SLC25A16: variants seen among roughly 807,000 people sequenced by gnomAD.
SLC25A16 encodes the protein mitochondrial coenzyme A transporter SLC25A16.
SLC25A16 carries 39 observed loss-of-function variants against 41.5 expected under a neutral mutation model. That is an observed-to-expected ratio of 0.94 (90% CI 0.73 to 1.23). The LOEUF (loss-of-function observed/expected upper bound fraction) is 1.23. Ranked by LOEUF, SLC25A16 falls within the 50% of genes most tolerant of loss-of-function variation. The probability of loss-of-function intolerance (pLI) is 0.00; values close to 1 mark genes in which losing one functional copy is unlikely to be tolerated. For synonymous variants in SLC25A16, 146 were observed against 147.8 expected (o/e 0.99, Z 0.09); for missense variants, 421 against 426.9 (o/e 0.99, Z 0.12).
chr10:68,522,548 G>A (rs1286340008), intron 1 of SLC25A16, among the ~76,000 whole-genome samples: 1 of 152,150 alleles, frequency 6.6e-6, no homozygotes, highest in African/African-American at 2.4e-5. Context: ...AGGCACGGTG[G>A]CTCATGCCTG....
intron 4 of SLC25A16, among the ~76,000 whole-genome samples, chr10:68,496,272 ATCAT>A (rs758600666): frequency 6.6e-6 from 1 of 152,134 alleles, no homozygotes; most frequent in Non-Finnish European, 1.5e-5. Context: ...ATCCATAACA[ATCAT>A]TCAGAGGGTG....
At chr10:68,524,263 C>A (rs562343084) in intron 1 of SLC25A16, among the ~76,000 whole-genome samples, 1 of 135,422 alleles carries the variant, frequency 7.4e-6, no homozygotes, top group Admixed American at 8.4e-5. Context: ...TGCAGTGAGC[C>A]GAGAGCACGC....
intron 1 of SLC25A16, 35 bp from the exon 2 acceptor site, chr10:68,516,878 G>T: frequency 6.9e-7 from 1 of 1,449,070 alleles, no homozygotes; most frequent in Non-Finnish European, 9.7e-7. Context: ...AAGAAATTGC[G>T]TACCATTTCT....
intron 8 of SLC25A16, among the ~76,000 whole-genome samples, chr10:68,485,701 G>A (rs575256823): frequency 2.0e-5 from 3 of 151,472 alleles, no homozygotes; most frequent in African/African-American, 7.3e-5. Context: ...TTTTTTCAGA[G>A]TCTCACTCTG....
chr10:68,501,594 G>A (rs1010633895), intron 4 of SLC25A16, among the ~76,000 whole-genome samples: 1 of 151,798 alleles, frequency 6.6e-6, no homozygotes, highest in Non-Finnish European at 1.5e-5. Context: ...GGAGGGAAGG[G>A]AAGGGAAGGA....
intron 7 of SLC25A16, 30 bp downstream of exon 7, chr10:68,488,437 T>C (rs778310618): frequency 2.8e-6 from 4 of 1,428,342 alleles, no homozygotes; most frequent in African/African-American, 2.9e-5. Flanking sequence ...AACTATAATT[T>C]GATTAAATTA....
At position 68,527,230 on chromosome 10, in the gene SLC25A16, C is replaced by A; in HGVS notation, c.130+16G>T. 1.3e-6 allele frequency: 2 copies of A among 1,545,270 alleles called. No individual in the cohort carries two copies. Among genetic ancestry groups the A allele is most frequent in the Non-Finnish European group, 1.7e-6 (2 of 1,144,730 alleles). ...GCCACTCAGAGCGCGGCTGGCTCTT[C>A]GTGGCATGGACCCACCTCCGGCCAG... On this transcript the variant is annotated intron_variant, in intron 1 of 8. Coordinates refer to ENST00000609923, the MANE Select transcript of SLC25A16 (RefSeq NM_152707.4).
intron 1 of SLC25A16, among the ~76,000 whole-genome samples, chr10:68,520,369 T>G (rs916994137): frequency 6.6e-6 from 1 of 152,144 alleles, no homozygotes; most frequent in Non-Finnish European, 1.5e-5. Context: ...AAATATTAGA[T>G]AGACAATCTG....
chr10:68,527,434 C>T lies in SLC25A16; in HGVS notation c.-59G>A, dbSNP rs2053357344. The T allele has an allele frequency of 7.1e-7, 1 of 1,406,106 alleles. No homozygotes were observed. Among genetic ancestry groups the T allele is most frequent in the Non-Finnish European group, 9.2e-7 (1 of 1,087,646 alleles). The allele number at this position is 1,406,106 out of a possible 1,614,324, so 87.1% of individuals were successfully genotyped here. ...CAACTTACAGAACACCGGACGGGAC[C>T]ATAGCCGGAACAGGCGGTGACAGGA... On this transcript the variant is annotated 5_prime_UTR_variant, in exon 1 of 9. An upstream start codon of the reference 5' UTR is lost. Transcript: ENST00000609923.
rs1219366098 is a variant in SLC25A16 at position 68,516,946 on chromosome 10, C to T, written c.131-103G>A. 4.7e-6 allele frequency: 5 copies of T among 1,057,278 alleles called. No individual in the cohort carries two copies. In the East Asian group the frequency reaches 7.7e-5, roughly 16 times the overall value. The allele number at this position is 1,057,278 out of a possible 1,614,324, so 65.5% of individuals were successfully genotyped here. ...CAAACCCTCTAATCTCTAATTCAGT[C>T]TCCATGAGTAAATCTGCCCACAGCG... is the stretch of plus-strand genomic sequence containing the variant. On this transcript the variant is annotated intron_variant, in intron 1 of 8. Coordinates refer to ENST00000609923, the MANE Select transcript of SLC25A16 (RefSeq NM_152707.4).
intron 4 of SLC25A16, chr10:68,499,699 C>T (rs2052808596): frequency 5.6e-6 from 2 of 359,902 alleles, no homozygotes; most frequent in African/African-American, 4.3e-5. Context: ...TGATGAAGGT[C>T]AGGTTGTATG....
rs1244464591 is a variant in SLC25A16 at position 68,493,157 on chromosome 10, A to G, written c.585T>C (p.Thr195=). The G allele has an allele frequency of 3.8e-6, 6 of 1,597,254 alleles. 1 individual carries two copies. The South Asian group carries it at 5.7e-5, about 15-fold the overall frequency. Reference sequence around the variant, plus strand: ...CTGCATATGGAGCCATTCCTAAAATAGTAGGCATCAGACCTCTGTAAAATC... The same window carrying G: ...CTGCATATGGAGCCATTCCTAAAATGGTAGGCATCAGACCTCTGTAAAATC... ...FFGFYRGLMP[T]ILGMAPYAGV... is the part of the protein sequence containing the mutation. The change falls in exon 6 of 9, where the codon ACT becomes ACC. Residue 195 remains threonine, a synonymous_variant. Transcript: ENST00000609923.
chr10:68,513,384 G>C (rs2133577590), intron 2 of SLC25A16, among the ~76,000 whole-genome samples: 1 of 146,568 alleles, frequency 6.8e-6, no homozygotes, highest in South Asian at 2.2e-4. Context: ...ACTCCAGCCT[G>C]GGCAATAGAG....
chr10:68,484,155 GACA>G (rs2052522540), intron 8 of SLC25A16, among the ~76,000 whole-genome samples: 1 of 152,094 alleles, frequency 6.6e-6, no homozygotes, highest in Non-Finnish European at 1.5e-5. Flanking sequence ...ACATTTACTG[GACA>G]ACAACTATTT....
chr10:68,506,311 G>T (rs2052952421), intron 3 of SLC25A16, among the ~76,000 whole-genome samples: 1 of 151,952 alleles, frequency 6.6e-6, no homozygotes. Context: ...CAGGCATGGT[G>T]GCATAGGCCT....
chr10:68,479,870 G>A lies in SLC25A16; in HGVS notation c.*3562C>T, dbSNP rs1336005069. 1 of 151,524 alleles carries A rather than the reference G, an allele frequency of 6.6e-6. No homozygotes were observed. Among genetic ancestry groups the A allele is most frequent in the Non-Finnish European group, 1.5e-5 (1 of 68,048 alleles). 9.4% of individuals were successfully genotyped at this position (151,524 alleles called of 1,614,324 possible). On this transcript the variant is annotated 3_prime_UTR_variant, in exon 9 of 9. Coordinates refer to ENST00000609923, the MANE Select transcript of SLC25A16 (RefSeq NM_152707.4). Reference sequence around the variant, plus strand: ...GAAAGAAAAATACAAAACTCAGCTGGGCATGGTAGCACATAGCTGTAATCC... The same window carrying A: ...GAAAGAAAAATACAAAACTCAGCTGAGCATGGTAGCACATAGCTGTAATCC...
At chr10:68,511,104 G>A (rs543744638) in intron 2 of SLC25A16, among the ~76,000 whole-genome samples, 94 of 152,028 alleles carry the variant, frequency 6.2e-4, no homozygotes, top group Non-Finnish European at 1.1e-3. Context: ...GGGGCTTGGT[G>A]GCAGGCACTT....
At position 68,527,498 on chromosome 10, in the gene SLC25A16, C is replaced by T. The variant is rs1255087556; in HGVS notation, c.-123G>A. ...GCCGGCGGGGCAAAGTAACACCCGG[C>T]GGCGCGGCGCCGGCTGATGGCGTAC... On this transcript the variant is annotated 5_prime_UTR_variant, in exon 1 of 9. Coordinates refer to ENST00000609923, the MANE Select transcript of SLC25A16 (RefSeq NM_152707.4). 15 of 928,718 alleles carry T rather than the reference C, an allele frequency of 1.6e-5. No homozygotes were observed. In the African/African-American group the frequency reaches 2.7e-4, roughly 16 times the overall value. 57.5% of individuals were successfully genotyped at this position (928,718 alleles called of 1,614,324 possible).
intron 1 of SLC25A16, among the ~76,000 whole-genome samples, chr10:68,523,550 A>G (rs746486961): frequency 6.6e-6 from 1 of 152,032 alleles, no homozygotes; most frequent in Non-Finnish European, 1.5e-5. Flanking sequence ...TTGTCTCACA[A>G]CAACCTCCAC....
Sources: allele counts gnomAD v4.1 joint callset (sites outside exome capture counted in the v4.1 genomes callset), GRCh38; gene constraint gnomAD v4.1.1; transcripts MANE v1.5; gene names NCBI Gene and HGNC (gene_info 2026-07-23, HGNC 2026-07-21).